ZBTB16: variants seen among roughly 807,000 people sequenced by gnomAD.
The protein encoded by ZBTB16 is zinc finger and BTB domain-containing protein 16.
ZBTB16 carries 8 observed loss-of-function variants against 56.8 expected under a neutral mutation model. That is an observed-to-expected ratio of 0.14 (90% CI 0.08 to 0.25). The LOEUF (loss-of-function observed/expected upper bound fraction) is 0.25. Among genes scored for constraint, ZBTB16 ranks in the 10% least tolerant of loss-of-function variants. The pLI is 1.00. For synonymous variants in ZBTB16, 363 were observed against 368.5 expected (o/e 0.98, Z 0.17); for missense variants, 625 against 903.0 (o/e 0.69, Z 3.95).
chr11:114,063,955 C>A lies in ZBTB16; in HGVS notation c.655C>A (p.Gln219Lys), dbSNP rs1403636866. The change falls in exon 2 of 7, where the codon CAG becomes AAG. Residue 219 changes from glutamine to lysine, a missense_variant. Gln to Lys is a moderately conservative substitution (Grantham distance 53). This residue lies in a region of ZBTB16 where 384 missense variants were observed against 393.5 expected (regional missense o/e 0.98). Coordinates refer to ENST00000335953, the MANE Select transcript of ZBTB16 (RefSeq NM_006006.6). This position sits in a 1 kb window ranked among gnomAD's most constrained non-coding sequence, Gnocchi z 6.5. ...IGQSLLQGTL[Q>K]PPAGPEEPTL... ...ACAGTCTCTCCTGCAGGGAACTCTTCAGCCACCTGCAGGGCCCGAGGAGCC... is the reference window on the plus strand; with the variant it reads ...ACAGTCTCTCCTGCAGGGAACTCTTAAGCCACCTGCAGGGCCCGAGGAGCC... 6.2e-7 allele frequency: 1 copy of A among 1,613,806 alleles called. No individual in the cohort carries two copies. Among genetic ancestry groups the A allele is most frequent in the Non-Finnish European group, 8.5e-7 (1 of 1,180,014 alleles).
chr11:114,250,768 C>T lies in ZBTB16; in HGVS notation c.*213C>T, dbSNP rs915229418. 39 of 602,262 alleles carry T rather than the reference C, an allele frequency of 6.5e-5. No individual in the cohort carries two copies. Among genetic ancestry groups the T allele is most frequent in the South Asian group, 6.2e-4 (31 of 49,618 alleles). The allele number at this position is 602,262 out of a possible 1,614,324, so 37.3% of individuals were successfully genotyped here. A position where few individuals can be genotyped will look rare whatever the true frequency, so the allele number is the denominator to read the frequency against. The stretch of plus-strand genomic sequence containing the variant: ...CTCCTCTGGGGGCCTCCACCCTCCT[C>T]TCCCGGCTGGAGGTTTGCCTGATTT... On this transcript the variant is annotated 3_prime_UTR_variant, in exon 7 of 7. Coordinates refer to ENST00000335953, the MANE Select transcript of ZBTB16 (RefSeq NM_006006.6). The surrounding 1 kb of genome is among the most constrained non-coding windows in gnomAD (Gnocchi z 6.0).
intron 4 of ZBTB16, among the ~76,000 whole-genome samples, chr11:114,208,927 A>C (rs1943942618): frequency 6.6e-6 from 1 of 152,236 alleles, no homozygotes; most frequent in African/African-American, 2.4e-5. Context: ...AATGAGACAG[A>C]TTCCACAGGC....
chr11:114,242,364 T>C, intron 5 of ZBTB16, 27 bp downstream of exon 5: 1 of 1,611,088 alleles, frequency 6.2e-7, no homozygotes, highest in East Asian at 2.2e-5. Context: ...GATGGGTGGA[T>C]CTGGGTCTCT....
chr11:114,108,161 G>A lies in ZBTB16; in HGVS notation c.1268+43593G>A, dbSNP rs563479738. 7.2e-4 allele frequency among the ~76,000 whole-genome samples: 110 copies of A among 152,120 alleles called. 2 individuals are homozygous for A. Among genetic ancestry groups the A allele is most frequent in the South Asian group, 1.2e-3 (6 of 4,812 alleles). ...TATTTAAACTTCTGTGTGTAAGACG[G>A]CAGCCCCAGATGGTCTTTTGGTGCC... On this transcript the variant is annotated intron_variant, in intron 2 of 6. Transcript: ENST00000335953.
At chr11:114,071,289 G>A (rs1462445261) in intron 2 of ZBTB16, among the ~76,000 whole-genome samples, 1 of 150,000 alleles carries the variant, frequency 6.7e-6, no homozygotes, top group Non-Finnish European at 1.5e-5. Context: ...TAGGGTTACT[G>A]AGCCATCTGG....
chr11:114,225,484 G>A lies in ZBTB16; in HGVS notation c.1454-16683G>A, dbSNP rs114527200. On this transcript the variant is annotated intron_variant, in intron 4 of 6. Coordinates refer to ENST00000335953, the MANE Select transcript of ZBTB16 (RefSeq NM_006006.6). Reference sequence around the variant, plus strand: ...CTAAGTCCAAGATCAGGGTGCCAGCGTCTTACAAGGGCCTTCTTGCTGCAC... The same window carrying A: ...CTAAGTCCAAGATCAGGGTGCCAGCATCTTACAAGGGCCTTCTTGCTGCAC... 9.7e-3 allele frequency among the ~76,000 whole-genome samples: 1,470 copies of A among 152,300 alleles called. 29 individuals are homozygous for A. The highest frequency in any genetic ancestry group is 0.033 in the African/African-American group (1,364 of 41,540).
At chr11:114,236,201 C>T (rs1320129276) in intron 4 of ZBTB16, among the ~76,000 whole-genome samples, 1 of 152,138 alleles carries the variant, frequency 6.6e-6, no homozygotes, top group East Asian at 1.9e-4. Flanking sequence ...TGATAGAAAA[C>T]AATACATTTT....
intron 4 of ZBTB16, among the ~76,000 whole-genome samples, chr11:114,240,052 CCCTT>C (rs1415895624): frequency 6.6e-6 from 1 of 152,166 alleles, no homozygotes; most frequent in African/African-American, 2.4e-5. Context: ...AGATTCGCTC[CCCTT>C]CCTTCCTGCT....
intron 3 of ZBTB16, among the ~76,000 whole-genome samples, chr11:114,172,881 G>A (rs748582701): frequency 3.9e-5 from 6 of 152,122 alleles, no homozygotes; most frequent in Admixed American, 1.3e-4. Flanking sequence ...GTTTTTTTCC[G>A]GCAGGGAGGT....
intron 4 of ZBTB16, among the ~76,000 whole-genome samples, chr11:114,191,607 G>A (rs1943495136): frequency 1.3e-5 from 2 of 152,226 alleles, no homozygotes. Flanking sequence ...CACATTGACT[G>A]AGTGTTGTCC....
At chr11:114,159,403 G>A (rs972205230) in intron 3 of ZBTB16, among the ~76,000 whole-genome samples, 3 of 152,228 alleles carry the variant, frequency 2.0e-5, no homozygotes, top group African/African-American at 7.2e-5. Flanking sequence ...TTGATGATTA[G>A]GCAGGTGCGA....
intron 2 of ZBTB16, among the ~76,000 whole-genome samples, chr11:114,089,512 C>T (rs1940103170): frequency 2.0e-5 from 3 of 152,090 alleles, no homozygotes; most frequent in South Asian, 2.1e-4. Context: ...CAATGATCCA[C>T]GATGTTTAAT....
chr11:114,084,181 T>TATTTATTTC (rs1200760762), intron 2 of ZBTB16, among the ~76,000 whole-genome samples: 28 of 152,228 alleles, frequency 1.8e-4, no homozygotes, highest in African/African-American at 6.8e-4. Flanking sequence ...TATTTTATTT[T>TATTTATTTC]ATTTATTTCA....
chr11:114,079,069 C>T (rs938400914), intron 2 of ZBTB16, among the ~76,000 whole-genome samples: 8 of 149,424 alleles, frequency 5.4e-5, no homozygotes, highest in African/African-American at 9.9e-5. Context: ...CAGATCCTGC[C>T]GTTGCACTCC....
intron 3 of ZBTB16, among the ~76,000 whole-genome samples, chr11:114,162,581 C>T (rs1396530975): frequency 1.3e-5 from 2 of 152,212 alleles, no homozygotes; most frequent in Admixed American, 1.3e-4. Flanking sequence ...CCAATCCATG[C>T]ACCCTCTGCC....
intron 2 of ZBTB16, among the ~76,000 whole-genome samples, chr11:114,070,514 T>C (rs1306158412): frequency 6.6e-6 from 1 of 152,114 alleles, no homozygotes; most frequent in Non-Finnish European, 1.5e-5. Context: ...ATGAGGAAAA[T>C]GAGATTTGGA....
In ZBTB16 at chr11:114,252,488, C is replaced by T. The variant is rs951753283; in HGVS notation, c.*1933C>T. Among the ~76,000 whole-genome samples, 15 of 152,238 alleles carry T rather than the reference C, an allele frequency of 9.9e-5. No homozygotes were observed. Among genetic ancestry groups the T allele is most frequent in the African/African-American group, 3.6e-4 (15 of 41,538 alleles). The stretch of plus-strand genomic sequence containing the variant: ...AGTTGTTCTTTTGTTCCTTTCCCGC[C>T]TCCCATTCTGCTGCTCTTCCTCCCT... On this transcript the variant is annotated 3_prime_UTR_variant, in exon 7 of 7. Coordinates refer to ENST00000335953, the MANE Select transcript of ZBTB16 (RefSeq NM_006006.6).
At chr11:114,071,701 C>T (rs1171598910) in intron 2 of ZBTB16, among the ~76,000 whole-genome samples, 2 of 152,032 alleles carry the variant, frequency 1.3e-5, no homozygotes, top group Non-Finnish European at 2.9e-5. Flanking sequence ...CTCAGTTTGT[C>T]CATTGGAGGG....
intron 2 of ZBTB16, among the ~76,000 whole-genome samples, chr11:114,070,185 T>G (rs1332359905): frequency 1.4e-5 from 2 of 140,804 alleles, no homozygotes; most frequent in African/African-American, 5.2e-5. Flanking sequence ...CTCGGCTCAC[T>G]GCAAGCTCCG....
Sources: allele counts gnomAD v4.1 joint callset (sites outside exome capture counted in the v4.1 genomes callset), GRCh38; gene constraint gnomAD v4.1.1; regional missense constraint gnomAD v4.1.1; non-coding constraint Gnocchi (gnomAD v3.1); transcripts MANE v1.5; gene names NCBI Gene and HGNC (gene_info 2026-07-23, HGNC 2026-07-21).